Variants in SPATA7 observed in about 807,000 individuals in gnomAD.
The protein encoded by SPATA7 is spermatogenesis-associated protein 7.
SPATA7 carries 43 observed loss-of-function variants against 51.8 expected under a neutral mutation model. The observed-to-expected ratio is 0.83, with a 90% CI of 0.65 to 1.07. The LOEUF (loss-of-function observed/expected upper bound fraction) is 1.07. SPATA7 is among the 50% of genes least tolerant of loss of function. The pLI is 0.00. For synonymous variants in SPATA7, 230 were observed against 252.8 expected (o/e 0.91, Z 0.86); for missense variants, 683 against 701.3 (o/e 0.97, Z 0.30).
chr14:88,426,160 T>C, intron 5 of SPATA7, 72 bp from the exon 6 acceptor site: 2 of 1,065,914 alleles, frequency 1.9e-6, no homozygotes, highest in Non-Finnish European at 2.9e-6. Context: ...ATTTTTTTAA[T>C]GTATAATCTC....
intron 3 of SPATA7, among the ~76,000 whole-genome samples, chr14:88,449,964 TG>T (rs1566795229): frequency 6.6e-6 from 1 of 152,192 alleles, no homozygotes. Flanking sequence ...ACTGGTATTT[TG>T]TTGGTAACTT....
rs150259993 is a variant in SPATA7 at position 88,436,273 on chromosome 14, T to C, written c.1161-1270T>C. Among the ~76,000 whole-genome samples the C allele has an allele frequency of 3.7e-3, 569 of 152,278 alleles. 6 individuals carry two copies. The highest frequency in any genetic ancestry group is 0.013 in the African/African-American group (549 of 41,588). ...TTGATTGGGTTATTAGATTTTTCCCTATAAATCTAATAGTAAATAGTTGTT... is the reference window on the plus strand; with the variant it reads ...TTGATTGGGTTATTAGATTTTTCCCCATAAATCTAATAGTAAATAGTTGTT... On this transcript the variant is annotated intron_variant, in intron 10 of 11. Transcript: ENST00000393545.
At chr14:88,466,039 C>G (rs1175081540) in intron 4 of SPATA7, 2 of 148,420 alleles carry the variant, frequency 1.3e-5, no homozygotes, top group South Asian at 2.1e-4. Context: ...TTAAACCTGA[C>G]AGAAAAGCAT....
chr14:88,403,896 T>C (rs1219207066), intron 4 of SPATA7, among the ~76,000 whole-genome samples: 1 of 151,600 alleles, frequency 6.6e-6, no homozygotes, highest in Admixed American at 6.6e-5. Context: ...ACATCTGTGT[T>C]CTCACCACAA....
At chr14:88,424,433 A>G (rs1235680176) in intron 5 of SPATA7, among the ~76,000 whole-genome samples, 1 of 152,188 alleles carries the variant, frequency 6.6e-6, no homozygotes, top group Non-Finnish European at 1.5e-5. Context: ...ATAGCTTAAC[A>G]TATACTTCTA....
rs1307875155 is a variant in SPATA7, at chr14:88,393,392, G to T, written c.95-1G>T. 1.9e-6 allele frequency: 3 copies of T among 1,575,564 alleles called. No individual in the cohort carries two copies. The highest frequency in any genetic ancestry group is 2.6e-6 in the Non-Finnish European group (3 of 1,156,774). Reference sequence around the variant, plus strand: ...TATAATGATTATGTTTTAATTTTTAGCTTTTTGCACTGACTCCTCTTCTCT... The same window carrying T: ...TATAATGATTATGTTTTAATTTTTATCTTTTTGCACTGACTCCTCTTCTCT... On this transcript the variant is annotated splice_acceptor_variant, in intron 2 of 11. Coordinates refer to ENST00000393545, the MANE Select transcript of SPATA7 (RefSeq NM_018418.5). LOFTEE classifies it high-confidence loss of function.
intron 1 of SPATA7, 72 bp downstream of exon 1, chr14:88,385,909 G>C: frequency 6.5e-7 from 1 of 1,537,190 alleles, no homozygotes; most frequent in Non-Finnish European, 8.7e-7. Context: ...CCTCGGGTCC[G>C]GGCAGCTGAG....
chr14:88,468,993 G>A, intron 4 of SPATA7: 1 of 1,614,082 alleles, frequency 6.2e-7, no homozygotes, highest in South Asian at 1.1e-5. Flanking sequence ...GCACTGCAGT[G>A]GACCAACAAC....
At chr14:88,397,109 C>CA (rs2075905518) in intron 4 of SPATA7, among the ~76,000 whole-genome samples, 1 of 152,118 alleles carries the variant, frequency 6.6e-6, no homozygotes, top group Non-Finnish European at 1.5e-5. Context: ...AGGCTTGTCT[C>CA]AAACTCCTGA....
intron 8 of SPATA7, among the ~76,000 whole-genome samples, chr14:88,429,816 T>C (rs1344257248): frequency 6.6e-6 from 1 of 152,126 alleles, no homozygotes; most frequent in Non-Finnish European, 1.5e-5. Flanking sequence ...CTTTACCATT[T>C]GAGGAGTCAT....
chr14:88,442,232 C>T (rs1452159161), downstream of SPATA7, among the ~76,000 whole-genome samples: 2 of 152,050 alleles, frequency 1.3e-5, no homozygotes, highest in Non-Finnish European at 2.9e-5. Context: ...CTCTGTCACC[C>T]AGGCTGGAGT....
chr14:88,431,081 C>A, intron 8 of SPATA7, 91 bp from the exon 9 acceptor site: 1 of 1,108,702 alleles, frequency 9.0e-7, no homozygotes, highest in Non-Finnish European at 1.4e-6. Context: ...AAGATAAGGG[C>A]TATTCAGTGT....
At chr14:88,436,395 T>C (rs2077088407) in intron 10 of SPATA7, among the ~76,000 whole-genome samples, 1 of 152,178 alleles carries the variant, frequency 6.6e-6, no homozygotes, top group Non-Finnish European at 1.5e-5. Context: ...ACTTTGTTGG[T>C]TATATCCTTT....
chr14:88,385,812 A>G lies in SPATA7; in HGVS notation c.-7A>G. 1.9e-6 allele frequency: 3 copies of G among 1,606,746 alleles called. No individual in the cohort carries two copies. The highest frequency in any genetic ancestry group is 2.5e-6 in the Non-Finnish European group (3 of 1,177,166). On this transcript the variant is annotated 5_prime_UTR_variant, in exon 1 of 12. Transcript: ENST00000393545. ...GTGTCCCTGCGGCGGCTGCAAGAGG[A>G]CTAAGCATGGATGGCAGCCGGAGAG...
chr14:88,450,486 G>T (rs1159968174), intron 3 of SPATA7, among the ~76,000 whole-genome samples: 3 of 152,052 alleles, frequency 2.0e-5, no homozygotes, highest in African/African-American at 7.2e-5. Context: ...TTCTTTTAGT[G>T]CTGGCTTGGT....
intron 5 of SPATA7, among the ~76,000 whole-genome samples, chr14:88,417,973 T>A (rs2139966633): frequency 6.6e-6 from 1 of 152,322 alleles, no homozygotes; most frequent in African/African-American, 2.4e-5. Flanking sequence ...TGACTACTGA[T>A]TCAATTTTTT....
At chr14:88,391,260 C>T (rs1486394415) in intron 1 of SPATA7, 121 bp from the exon 2 acceptor site, 2 of 885,998 alleles carry the variant, frequency 2.3e-6, no homozygotes, top group African/African-American at 3.4e-5. Flanking sequence ...AACGCAATCA[C>T]CTTTTAGGAA....
chr14:88,397,918 C>A (rs1395815875), intron 4 of SPATA7, among the ~76,000 whole-genome samples: 3 of 151,926 alleles, frequency 2.0e-5, no homozygotes, highest in Non-Finnish European at 4.4e-5. Flanking sequence ...CCCGTCTCTA[C>A]TAAAAAACAA....
At chr14:88,442,485 G>T (rs1218622384), downstream of SPATA7, among the ~76,000 whole-genome samples, 1 of 152,038 alleles carries the variant, frequency 6.6e-6, no homozygotes, top group Non-Finnish European at 1.5e-5. Context: ...TTTTGCTGAG[G>T]GTTTTAATCA....
Sources: gnomAD v4.1 joint callset for allele counts (sites outside exome capture counted in the v4.1 genomes callset) on GRCh38, gnomAD v4.1.1 for gene constraint, MANE v1.5 for transcripts, NCBI Gene and HGNC (gene_info 2026-07-23, HGNC 2026-07-21) for gene names.